HTR4: variants seen among roughly 807,000 people sequenced by gnomAD.
HTR4 encodes the protein 5-hydroxytryptamine receptor 4.
In HTR4, 16 loss-of-function variants were observed where a neutral mutation model predicts 36.8. That is an observed-to-expected ratio of 0.43 (90% CI 0.29 to 0.66). The LOEUF (loss-of-function observed/expected upper bound fraction) is 0.66. HTR4 is among the 30% of genes least tolerant of loss of function. The probability of loss-of-function intolerance (pLI) is 0.13; values close to 1 mark genes in which losing one functional copy is unlikely to be tolerated. For missense variants in HTR4, 438 were observed against 490.9 expected (o/e 0.89, Z 1.02); for synonymous variants, 189 against 185.1 (o/e 1.02, Z -0.17).
chr5:148,474,480 T>C (rs1284529083), downstream of HTR4, among the ~76,000 whole-genome samples: 1 of 152,154 alleles, frequency 6.6e-6, no homozygotes. Flanking sequence ...ACCCCCCTAA[T>C]GACATTCAAT....
At chr5:148,574,889 T>C (rs761990590) in intron 2 of HTR4, among the ~76,000 whole-genome samples, 4 of 152,112 alleles carry the variant, frequency 2.6e-5, no homozygotes, top group Non-Finnish European at 5.9e-5. Context: ...TGGTTTCTGC[T>C]GCTAAAATGT....
rs1194664895 is a variant in HTR4 at position 148,605,361 on chromosome 5, C to T, written c.26+31628G>A. 2.7e-5 allele frequency among the ~76,000 whole-genome samples: 4 copies of T among 147,314 alleles called. No individual in the cohort carries two copies. In the South Asian group the frequency reaches 6.4e-4, roughly 24 times the overall value. ...GCAACCTCCGCCTCCCAGGTTCAAG[C>T]GATTCTCCTGCCTCAGTCTCCCAAG... On this transcript the variant is annotated intron_variant, in intron 2 of 6. Transcript: ENST00000377888.
At chr5:148,651,165 G>A (rs191386436) in intron 1 of HTR4, among the ~76,000 whole-genome samples, 137 of 152,320 alleles carry the variant, frequency 9.0e-4, no homozygotes, top group Middle Eastern at 3.4e-3. Flanking sequence ...ATTTAGAACA[G>A]TGTCTGGCAC....
At chr5:148,505,822 T>C (rs1351204228) in intron 6 of HTR4, among the ~76,000 whole-genome samples, 5 of 152,164 alleles carry the variant, frequency 3.3e-5, no homozygotes, top group Non-Finnish European at 7.3e-5. Flanking sequence ...ACAAGGGATG[T>C]GAAGGACCTC....
intron 2 of HTR4, among the ~76,000 whole-genome samples, chr5:148,632,709 TAGAA>T (rs753520972): frequency 7.2e-5 from 11 of 152,172 alleles, no homozygotes; most frequent in Non-Finnish European, 1.5e-4. Context: ...AAAAATTTCT[TAGAA>T]AGCAGAAACT....
intron 6 of HTR4, among the ~76,000 whole-genome samples, chr5:148,487,650 C>T (rs1756226023): frequency 6.6e-6 from 1 of 151,990 alleles, no homozygotes; most frequent in South Asian, 2.1e-4. Context: ...TATGAGATTT[C>T]CCTCCAGCCA....
intron 5 of HTR4, among the ~76,000 whole-genome samples, chr5:148,522,608 C>T (rs148159014): frequency 6.6e-6 from 1 of 152,072 alleles, no homozygotes; most frequent in South Asian, 2.1e-4. Flanking sequence ...GTAAAGCAGA[C>T]TTTATTCAGG....
At chr5:148,572,117 A>G (rs919586069) in intron 2 of HTR4, among the ~76,000 whole-genome samples, 2 of 152,258 alleles carry the variant, frequency 1.3e-5, no homozygotes, top group East Asian at 3.9e-4. Flanking sequence ...GTAATATAAT[A>G]TAATAAGGGT....
chr5:148,461,606 C>A (rs186042927), intron 5 of HTR4, among the ~76,000 whole-genome samples: 5 of 151,916 alleles, frequency 3.3e-5, no homozygotes, highest in Admixed American at 2.6e-4. Context: ...GAACAGAACA[C>A]CAAAATACAG....
chr5:148,580,644 T>C (rs1393741462), intron 2 of HTR4, among the ~76,000 whole-genome samples: 2 of 152,142 alleles, frequency 1.3e-5, no homozygotes, highest in Admixed American at 1.3e-4. Context: ...GTGACCGACT[T>C]ATGTCGCTTA....
intron 5 of HTR4, among the ~76,000 whole-genome samples, chr5:148,461,337 C>T (rs947291438): frequency 1.3e-5 from 2 of 151,812 alleles, no homozygotes; most frequent in Non-Finnish European, 2.9e-5. Flanking sequence ...CAAAATCGAT[C>T]AGAAGTAAGA....
chr5:148,612,895 C>T (rs1752499741), intron 2 of HTR4, among the ~76,000 whole-genome samples: 1 of 149,632 alleles, frequency 6.7e-6, no homozygotes, highest in African/African-American at 2.5e-5. Context: ...GAGAATACTA[C>T]AAACACCTCT....
Position 148,484,327 on chromosome 5 carries a change from C to A in HTR4, c.1077-1034G>T, listed in dbSNP as rs141536385. On this transcript the variant is annotated intron_variant, in intron 6 of 6. Transcript: ENST00000377888. ...GTGCCTGAGAATGGACCCGCTCTGG[C>A]AGGCTTTGTCCAATACCTTGCTAAA... The A allele has an allele frequency of 4.8e-5, 78 of 1,613,458 alleles. 1 individual carries two copies. In the Admixed American group the frequency reaches 1.0e-3, roughly 22 times the overall value.
At chr5:148,572,015 A>G (rs956536266) in intron 2 of HTR4, among the ~76,000 whole-genome samples, 1 of 152,128 alleles carries the variant, frequency 6.6e-6, no homozygotes, top group African/African-American at 2.4e-5. Flanking sequence ...CTTAAGGTAG[A>G]AATGTTTCTA....
chr5:148,503,178 G>T (rs1252001275), intron 6 of HTR4, among the ~76,000 whole-genome samples: 2 of 152,114 alleles, frequency 1.3e-5, no homozygotes, highest in Admixed American at 6.5e-5. Flanking sequence ...GCAACTCCAA[G>T]ACACATAATT....
intron 2 of HTR4, among the ~76,000 whole-genome samples, chr5:148,606,682 TA>T (rs897513273): frequency 1.3e-5 from 2 of 152,220 alleles, no homozygotes; most frequent in African/African-American, 4.8e-5. Flanking sequence ...GTATGATGGT[TA>T]AAAACCAGCT....
intron 2 of HTR4, chr5:148,629,036 T>G (rs542783851): frequency 3.2e-4 from 49 of 152,176 alleles, no homozygotes; most frequent in African/African-American, 1.2e-3. Context: ...TGCCAAGCTA[T>G]TTGCATCCGC....
At chr5:148,485,437 G>A (rs1198818903) in intron 6 of HTR4, among the ~76,000 whole-genome samples, 2 of 152,130 alleles carry the variant, frequency 1.3e-5, no homozygotes, top group Admixed American at 6.6e-5. Flanking sequence ...TTTAGGTCTC[G>A]CTGTCTCTAG....
rs1398371141 is a variant in HTR4, at chr5:148,548,771, C to T, written c.250G>A (p.Asp84Asn). The change falls in exon 4 of 7, where the codon GAC becomes AAC. Residue 84 changes from aspartate to asparagine, a missense_variant. Asp to Asn is a conservative substitution (Grantham distance 23). Coordinates refer to ENST00000377888, the MANE Select transcript of HTR4 (RefSeq NM_000870.7). ...AACACCTCCCCATAAATCCAGATGT[C>T]TTGAACCAGCTCAATGGCACCAAAG... ...MPFGAIELVQ[D>N]IWIYGEVFCL... 1.2e-6 allele frequency: 2 copies of T among 1,614,084 alleles called. No homozygotes were observed. The highest frequency in any genetic ancestry group is 2.7e-5 in the African/African-American group (2 of 75,026).
Sources: gnomAD v4.1 joint callset for allele counts (sites outside exome capture counted in the v4.1 genomes callset) on GRCh38, gnomAD v4.1.1 for gene constraint, MANE v1.5 for transcripts, NCBI Gene and HGNC (gene_info 2026-07-23, HGNC 2026-07-21) for gene names.